Variants in ZNF263 observed in about 807,000 individuals in gnomAD.
ZNF263 encodes zinc finger protein 263.
ZNF263 carries 49 observed loss-of-function variants against 63.1 expected under a neutral mutation model. The observed-to-expected ratio is 0.78, with a 90% confidence interval of 0.62 to 0.99. ZNF263 has a LOEUF of 0.99. Among genes scored for constraint, ZNF263 ranks in the 50% least tolerant of loss-of-function variants. The pLI, the probability that ZNF263 is intolerant of heterozygous loss-of-function variation, is 0.00. For missense variants in ZNF263, 872 were observed against 854.8 expected (o/e 1.02, Z -0.25); for synonymous variants, 352 against 324.2 (o/e 1.09, Z -0.92).
At chr16:3,294,167 T>C (rs1037730339), downstream of ZNF263, among the ~76,000 whole-genome samples, 15 of 152,320 alleles carry the variant, frequency 9.8e-5, no homozygotes, top group African/African-American at 3.6e-4. Flanking sequence ...CCTCGTGATC[T>C]GCCCGCCTCG....
exon 2 of ZNF263, chr16:3,299,114 G>C (rs1225997146): frequency 1.4e-6 from 2 of 1,460,022 alleles, no homozygotes; most frequent in Non-Finnish European, 9.0e-7. Context: ...AGTGTGAAGT[G>C]GAATCTCTGA....
chr16:3,288,248 T>C (rs1959455088), intron 4 of ZNF263, among the ~76,000 whole-genome samples: 1 of 148,788 alleles, frequency 6.7e-6, no homozygotes, highest in Admixed American at 6.6e-5. Flanking sequence ...TGAGACTCTG[T>C]CTCAAAAAAA....
intron 1 of ZNF263, among the ~76,000 whole-genome samples, chr16:3,296,617 C>G (rs1959753759): frequency 6.6e-6 from 1 of 152,184 alleles, no homozygotes; most frequent in African/African-American, 2.4e-5. Context: ...CAAGCCTAAA[C>G]TGAATGTAAA....
rs751831560 is a variant in ZNF263 at position 3,290,249 on chromosome 16, G to T, written c.1743G>T (p.Gly581=). 3.7e-6 allele frequency: 6 copies of T among 1,614,118 alleles called. No homozygotes were observed. In the Admixed American group the frequency reaches 1.0e-4, roughly 27 times the overall value. ...EKKLFECLTC[G]KSFRQGMHLT... is the part of the protein sequence containing the mutation. ...AGCTCTTTGAATGTTTGACTTGTGG[G>T]AAAAGCTTCCGGCAGGGCATGCACC... The change falls in exon 6 of 6, where the codon GGG becomes GGT. Residue 581 remains glycine (G), a synonymous_variant. Transcript: ENST00000219069.
At chr16:3,299,387 A>T in intron 2 of ZNF263, 1 of 1,556,726 alleles carries the variant, frequency 6.4e-7, no homozygotes, top group Non-Finnish European at 8.7e-7. Flanking sequence ...TGAAAATCAT[A>T]TTCAGGTTCC....
chr16:3,300,595 T>C, intron 2 of ZNF263: 3 of 1,585,708 alleles, frequency 1.9e-6, no homozygotes, highest in Non-Finnish European at 2.6e-6. Flanking sequence ...CAGTGTTGTA[T>C]ATTTCCCTCT....
At chr16:3,297,277 C>T (rs1337816821) in intron 1 of ZNF263, among the ~76,000 whole-genome samples, 2 of 136,240 alleles carry the variant, frequency 1.5e-5, no homozygotes, top group African/African-American at 2.9e-5. Flanking sequence ...TTGGGTGATA[C>T]AGCGAGACTC....
chr16:3,284,273 C>A, intron 1 of ZNF263, 68 bp downstream of exon 1: 1 of 1,442,530 alleles, frequency 6.9e-7, no homozygotes, highest in Non-Finnish European at 9.2e-7. Flanking sequence ...ATTGCGCCCC[C>A]GGTCGAATTC....
chr16:3,291,129 C>A lies in ZNF263; in HGVS notation c.*571C>A. 2 of 986,674 alleles carry A rather than the reference C, an allele frequency of 2.0e-6. No homozygotes were observed. Among genetic ancestry groups the A allele is most frequent in the Non-Finnish European group, 2.4e-6 (2 of 830,824 alleles). The allele number at this position is 986,674 out of a possible 1,614,324, so 61.1% of individuals were successfully genotyped here. A position where few individuals can be genotyped will look rare whatever the true frequency, so the allele number is the denominator to read the frequency against. On this transcript the variant is annotated 3_prime_UTR_variant, in exon 6 of 6. Coordinates refer to ENST00000219069, the MANE Select transcript of ZNF263 (RefSeq NM_005741.5). Reference sequence around the variant, plus strand: ...CCTACGATGGCCTAACAGGAGTGCCCATTGGCAGATTACACATGTAAATAT... The same window carrying A: ...CCTACGATGGCCTAACAGGAGTGCCAATTGGCAGATTACACATGTAAATAT...
chr16:3,288,682 G>A (rs1959476351), intron 5 of ZNF263, 112 bp downstream of exon 5: 2 of 685,736 alleles, frequency 2.9e-6, no homozygotes, highest in Admixed American at 2.9e-5. Flanking sequence ...TGGCACTCTT[G>A]TTGCCCAGGC....
In ZNF263 at chr16:3,290,677, G is replaced by A. The variant is rs1241221122; in HGVS notation, c.*119G>A. 2 of 1,452,056 alleles carry A rather than the reference G, an allele frequency of 1.4e-6. No individual in the cohort carries two copies. Among genetic ancestry groups the A allele is most frequent in the Non-Finnish European group, 9.0e-7 (1 of 1,109,130 alleles). 89.9% of individuals were successfully genotyped at this position (1,452,056 alleles called of 1,614,324 possible). ...ACCTCTGCATTCTTCAGGTAATGGGGGCTCATTGTGAGGGAGGTGCAGAGG... is the reference window on the plus strand; with the variant it reads ...ACCTCTGCATTCTTCAGGTAATGGGAGCTCATTGTGAGGGAGGTGCAGAGG... On this transcript the variant is annotated 3_prime_UTR_variant, in exon 6 of 6. Coordinates refer to ENST00000219069, the MANE Select transcript of ZNF263 (RefSeq NM_005741.5).
intron 4 of ZNF263, among the ~76,000 whole-genome samples, chr16:3,287,200 T>C (rs1349690128): frequency 6.6e-6 from 1 of 152,218 alleles, no homozygotes; most frequent in Non-Finnish European, 1.5e-5. Flanking sequence ...AACCTCTGCC[T>C]CCCGGGTTCA....
At position 3,290,462 on chromosome 16, in the gene ZNF263, G is replaced by GGGTGAATA; in HGVS notation, c.1956_1957insGGTGAATA (p.His653GlyfsTer26). 1 of 1,614,020 alleles carries GGGTGAATA rather than the reference G, an allele frequency of 6.2e-7. No individual in the cohort carries two copies. On this transcript the variant is annotated frameshift_variant, in exon 6 of 6. Coordinates refer to ENST00000219069, the MANE Select transcript of ZNF263 (RefSeq NM_005741.5). LOFTEE classifies it high-confidence loss of function. Reference sequence around the variant, plus strand: ...CCAATCGGATTCGCCACCTGAGAACGCATACGGGAGAGAGACCCTATAAAT... The same window carrying GGGTGAATA: ...CCAATCGGATTCGCCACCTGAGAACGGGTGAATACATACGGGAGAGAGACCCTATAAAT...
Position 3,283,568 on chromosome 16 carries a change from T to A in ZNF263, c.-251T>A, listed in dbSNP as rs3826245. On this transcript the variant is annotated 5_prime_UTR_variant, in exon 1 of 6. Transcript: ENST00000219069. ...GGTCCTCTATATAGGGTGAGAAGCG[T>A]GGCGCTCGGTTCCTGCCTCGGGGAA... 41 of 393,562 alleles carry A rather than the reference T, an allele frequency of 1.0e-4. No individual in the cohort carries two copies. The East Asian group carries it at 1.6e-3, about 16-fold the overall frequency. 24.4% of individuals were successfully genotyped at this position (393,562 alleles called of 1,614,324 possible).
Position 3,300,449 on chromosome 16 carries a change from C to T in ZNF263, c.*47-464C>T, listed in dbSNP as rs747677804. On this transcript the variant is annotated intron_variant, in intron 2 of 2. Transcript: ENST00000574674. ...ACTAATGGCATGTCCTGCTTCAGTACAAAGTCCAGAATTAACTTCTTATTT... is the reference window on the plus strand; with the variant it reads ...ACTAATGGCATGTCCTGCTTCAGTATAAAGTCCAGAATTAACTTCTTATTT... The T allele has an allele frequency of 6.2e-6, 10 of 1,614,178 alleles. No individual in the cohort carries two copies. The South Asian group carries it at 1.1e-4, about 18-fold the overall frequency.
At chr16:3,295,733 G>A (rs976162178), downstream of ZNF263, among the ~76,000 whole-genome samples, 2 of 152,262 alleles carry the variant, frequency 1.3e-5, no homozygotes, top group African/African-American at 4.8e-5. Flanking sequence ...AATGGAGAGG[G>A]GACAGAAAAG....
At chr16:3,288,408 A>G (rs747203545) in intron 4 of ZNF263, 46 bp from the exon 5 acceptor site, 1 of 1,391,184 alleles carries the variant, frequency 7.2e-7, no homozygotes, top group Admixed American at 1.7e-5. Context: ...CTACCCTGGT[A>G]GAGGAAAGTG....
chr16:3,291,145 A>T lies in ZNF263; in HGVS notation c.*587A>T, dbSNP rs1959600500. 2.0e-6 allele frequency: 2 copies of T among 986,040 alleles called. No individual in the cohort carries two copies. The highest frequency in any genetic ancestry group is 1.2e-4 in the Admixed American group (2 of 16,356). The allele number at this position is 986,040 out of a possible 1,614,324, so 61.1% of individuals were successfully genotyped here. On this transcript the variant is annotated 3_prime_UTR_variant, in exon 6 of 6. Coordinates refer to ENST00000219069, the MANE Select transcript of ZNF263 (RefSeq NM_005741.5). ...AGGAGTGCCCATTGGCAGATTACAC[A>T]TGTAAATATGACCTCAGACAAAAAG...
chr16:3,286,987 G>A (rs1254941743), intron 4 of ZNF263: 3 of 152,144 alleles, frequency 2.0e-5, no homozygotes, highest in Non-Finnish European at 2.9e-5. Context: ...GAGGCTGAGG[G>A]GAGAATCACC....
Sources: allele counts gnomAD v4.1 joint callset (sites outside exome capture counted in the v4.1 genomes callset), GRCh38; gene constraint gnomAD v4.1.1; transcripts MANE v1.5; gene names NCBI Gene and HGNC (gene_info 2026-07-23, HGNC 2026-07-21).